Variants in CACNA1A observed in about 807,000 individuals in gnomAD.
The protein encoded by CACNA1A is voltage-dependent P/Q-type calcium channel subunit alpha-1A.
CACNA1A carries 57 observed loss-of-function variants against 262.4 expected under a neutral mutation model. That is an observed-to-expected ratio of 0.22 (90% CI 0.18 to 0.27). CACNA1A has a LOEUF of 0.27. Ranked by LOEUF, CACNA1A falls within the 10% of genes least tolerant of loss-of-function variation. CACNA1A has a pLI of 1.00. For missense variants in CACNA1A, 2,526 were observed against 3,562.8 expected, an observed-to-expected ratio of 0.71 and a Z score of 7.41; for synonymous variants, 1,431 against 1,419.3, an observed-to-expected ratio of 1.01 and a Z score of -0.18.
chr19:13,405,735 G>T (rs561970801), intron 3 of CACNA1A, among the ~76,000 whole-genome samples: 3 of 152,244 alleles, frequency 2.0e-5, no homozygotes, highest in Admixed American at 1.3e-4. Flanking sequence ...AGGGGAGCTG[G>T]TTCAAGCCCA....
In CACNA1A at chr19:13,261,435, A is replaced by C. The variant is rs774357662; in HGVS notation, c.4250+15T>G. 6 of 1,558,622 alleles carry C rather than the reference A, an allele frequency of 3.8e-6. No homozygotes were observed. In the African/African-American group the frequency reaches 8.1e-5, roughly 21 times the overall value. On this transcript the variant is annotated intron_variant, in intron 26 of 46. Transcript: ENST00000360228. ...GCTGGTTCCAATGGGAATGTGCTGG[A>C]AAGTGGAGACCCACCGACAATCTTT...
intron 35 of CACNA1A, among the ~76,000 whole-genome samples, chr19:13,230,699 T>A (rs1972370425): frequency 6.6e-6 from 1 of 151,580 alleles, no homozygotes. Flanking sequence ...CCCAGCTACT[T>A]GGGAGGTTGA....
chr19:13,298,357 C>A (rs2057712121), intron 19 of CACNA1A, among the ~76,000 whole-genome samples, 187 bp downstream of exon 19: 1 of 149,746 alleles, frequency 6.7e-6, no homozygotes, highest in Non-Finnish European at 1.5e-5. Flanking sequence ...TCTTGAACTC[C>A]TGACCTCGTG....
At chr19:13,253,688 C>T (rs1047078971) in intron 29 of CACNA1A, among the ~76,000 whole-genome samples, 1 of 151,802 alleles carries the variant, frequency 6.6e-6, no homozygotes, top group South Asian at 2.1e-4. Context: ...CTTGTGATCG[C>T]CCTCCTCGGC....
chr19:13,356,054 A>C (rs1242720524), intron 6 of CACNA1A, among the ~76,000 whole-genome samples: 1 of 152,114 alleles, frequency 6.6e-6, no homozygotes, highest in Non-Finnish European at 1.5e-5. Flanking sequence ...GTGGGATGTA[A>C]ATGTGTGGAA....
intron 3 of CACNA1A, among the ~76,000 whole-genome samples, chr19:13,412,350 C>T (rs2144742252): frequency 6.6e-6 from 1 of 152,218 alleles, no homozygotes; most frequent in East Asian, 1.9e-4. Flanking sequence ...CCATGTGCCA[C>T]TCTGCACCCA....
In CACNA1A at chr19:13,298,829, C is replaced by A; in HGVS notation, c.2804G>T (p.Arg935Leu). 6.3e-7 allele frequency: 1 copy of A among 1,576,438 alleles called. No individual in the cohort carries two copies. Among genetic ancestry groups the A allele is most frequent in the Non-Finnish European group, 8.5e-7 (1 of 1,171,252 alleles). The change falls in exon 19 of 47, where the codon CGG becomes CTG. Residue 935 changes from arginine to leucine, a missense_variant. Around this residue, in one of 17 missense-constraint regions of CACNA1A, gnomAD observed 765 missense variants for 748.6 expected, o/e 1.02. Transcript: ENST00000360228. ...AGDPHRRHVH[R>L]QGGSRESRSG... ...GCGGCTCTCCCTGCTGCCCCCCTGC[C>A]GGTGCACGTGCCTCCGGTGGGGGTC... is the stretch of plus-strand genomic sequence containing the variant.
rs1600291631 is a variant in CACNA1A, at chr19:13,307,803, T to A, written c.1965A>T (p.Ala655=). Residue 655 remains alanine, a synonymous_variant, in exon 15 of 47, where the codon GCA becomes GCT. Coordinates refer to ENST00000360228, the MANE Select transcript of CACNA1A (RefSeq NM_001127222.2). The stretch of plus-strand genomic sequence containing the variant: ...GTACCTGAAACACCGTCATTATTGC[T>A]GCTGGAAAAGTATCGAAGTTGGTGG... ...TPPTNFDTFP[A]AIMTVFQILT... 6.2e-7 allele frequency: 1 copy of A among 1,614,050 alleles called. No homozygotes were observed. The highest frequency in any genetic ancestry group is 1.3e-5 in the African/African-American group (1 of 75,072).
chr19:13,353,424 G>A (rs188423705), intron 6 of CACNA1A, among the ~76,000 whole-genome samples: 10 of 151,290 alleles, frequency 6.6e-5, no homozygotes, highest in Admixed American at 2.0e-4. Flanking sequence ...GAACCACTGC[G>A]CCCAGCACCC....
intron 6 of CACNA1A, among the ~76,000 whole-genome samples, chr19:13,349,257 G>A (rs10401129): frequency 0.12 from 17,887 of 152,062 alleles, 1,954 homozygotes; most frequent in African/African-American, 0.28. Context: ...TAAAGCTGAT[G>A]CCAGGCACAC....
chr19:13,395,273 C>CA (rs58840618), intron 3 of CACNA1A, among the ~76,000 whole-genome samples: 1,542 of 88,796 alleles, frequency 0.017, 24 homozygotes, highest in Middle Eastern at 0.033. Flanking sequence ...GACTCCATCT[C>CA]AAAAAAAAAA....
Position 13,214,058 on chromosome 19 carries a change from C to G in CACNA1A, c.5940+175G>C. 1.6e-6 allele frequency: 1 copy of G among 609,520 alleles called. No homozygotes were observed. Among genetic ancestry groups the G allele is most frequent in the Non-Finnish European group, 3.0e-6 (1 of 338,522 alleles). 37.8% of individuals were successfully genotyped at this position (609,520 alleles called of 1,614,324 possible). ...GTCTCATCCTGGTCTCAAACGATCC[C>G]TCTGCCCTGGCCTCTCAAAGCACTG... On this transcript the variant is annotated intron_variant, in intron 40 of 46. Coordinates refer to ENST00000360228, the MANE Select transcript of CACNA1A (RefSeq NM_001127222.2). The surrounding 1 kb of genome is among the most constrained non-coding windows in gnomAD (Gnocchi z 4.1).
Position 13,286,756 on chromosome 19 carries a change from G to T in CACNA1A, c.3300C>A (p.Ser1100Arg). ...TGGCCAGCATGGGGCCGGGGTCGGT[G>T]CTGTTTCCCATCTTGGCTGGGCTCT... Reference protein sequence around the residue: ...LPQSPAKMGNSTDPGPMLAIP... With the variant: ...LPQSPAKMGNRTDPGPMLAIP... The change falls in exon 20 of 47, where the codon AGC becomes AGA. Residue 1100 changes from serine to arginine, a missense_variant. This residue lies in a region of CACNA1A where 765 missense variants were observed against 748.6 expected (regional missense o/e 1.02). Transcript: ENST00000360228. 1 of 1,610,404 alleles carries T rather than the reference G, an allele frequency of 6.2e-7. No homozygotes were observed. Among genetic ancestry groups the T allele is most frequent in the Non-Finnish European group, 8.5e-7 (1 of 1,178,712 alleles).
intron 27 of CACNA1A, 155 bp downstream of exon 27, chr19:13,259,409 T>G (rs2056668791): frequency 3.0e-6 from 1 of 338,890 alleles, no homozygotes; most frequent in South Asian, 4.9e-5. Context: ...TGGCCTCAAG[T>G]GATACATCTG....
At chr19:13,348,314 A>G (rs1052694960) in intron 6 of CACNA1A, among the ~76,000 whole-genome samples, 1 of 152,236 alleles carries the variant, frequency 6.6e-6, no homozygotes, top group African/African-American at 2.4e-5. Flanking sequence ...AAGAAGAGAA[A>G]CTCACAGAGA....
intron 3 of CACNA1A, among the ~76,000 whole-genome samples, chr19:13,409,376 CTGTG>C (rs34775168): frequency 0.079 from 11,786 of 149,082 alleles, 700 homozygotes; most frequent in East Asian, 0.26. Flanking sequence ...TTTGACAATC[CTGTG>C]TGTGTGTGTG....
At position 13,207,146 on chromosome 19, in the gene CACNA1A, C is replaced by G. The variant is rs1256510526; in HGVS notation, c.*167G>C. 1.5e-5 allele frequency: 11 copies of G among 722,802 alleles called. No homozygotes were observed. The highest frequency in any genetic ancestry group is 2.3e-5 in the Non-Finnish European group (11 of 487,886). 44.8% of individuals were successfully genotyped at this position (722,802 alleles called of 1,614,324 possible). Reference sequence around the variant, plus strand: ...GGTCTCTTTTGGCCGAGGGTCTCTGCGGGACACCCTTGTGGCCCAGCCCTG... The same window carrying G: ...GGTCTCTTTTGGCCGAGGGTCTCTGGGGGACACCCTTGTGGCCCAGCCCTG... On this transcript the variant is annotated 3_prime_UTR_variant, in exon 47 of 47. Coordinates refer to ENST00000360228, the MANE Select transcript of CACNA1A (RefSeq NM_001127222.2). This position sits in a 1 kb window ranked among gnomAD's most constrained non-coding sequence, Gnocchi z 5.7.
At chr19:13,323,488 G>T (rs1250679888) in intron 10 of CACNA1A, among the ~76,000 whole-genome samples, 1 of 152,014 alleles carries the variant, frequency 6.6e-6, no homozygotes, top group East Asian at 1.9e-4. Flanking sequence ...CAGGGTCTCG[G>T]TCTCCTTCTG....
rs780467849 is a variant in CACNA1A, at chr19:13,208,923, G to C, written c.6613C>G (p.Arg2205Gly). 17 of 1,537,206 alleles carry C rather than the reference G, an allele frequency of 1.1e-5. No homozygotes were observed. The Admixed American group carries it at 1.4e-4, about 12-fold the overall frequency. Reference protein sequence around the residue: ...RDQERGRPKDRKHRQHHHHHH... With the variant: ...RDQERGRPKDGKHRQHHHHHH... ...TGGTGGTGGTGCTGTCGATGCTTCCGATCCTTGGGCCGGCCCCGCTCCTGG... is the reference window on the plus strand; with the variant it reads ...TGGTGGTGGTGCTGTCGATGCTTCCCATCCTTGGGCCGGCCCCGCTCCTGG... The change falls in exon 46 of 47, where the codon CGG (arginine) becomes GGG (glycine). Residue 2205 changes from arginine to glycine, a missense_variant. By Grantham distance (125) the Arg-to-Gly change is moderately radical (BLOSUM62 -2). Coordinates refer to ENST00000360228, the MANE Select transcript of CACNA1A (RefSeq NM_001127222.2).
Sources: allele counts gnomAD v4.1 joint callset (sites outside exome capture counted in the v4.1 genomes callset), GRCh38; gene constraint gnomAD v4.1.1; regional missense constraint gnomAD v4.1.1; non-coding constraint Gnocchi (gnomAD v3.1); transcripts MANE v1.5; gene names NCBI Gene and HGNC (gene_info 2026-07-23, HGNC 2026-07-21).